Variants in USP6 observed in about 807,000 individuals in gnomAD.
The protein encoded by USP6 is ubiquitin specific peptidase 6, also known as ubiquitin carboxyl-terminal hydrolase 6.
In USP6, 128 loss-of-function variants were observed where a neutral mutation model predicts 175.7. The ratio of observed to expected loss-of-function variants is 0.73; its 90% confidence interval spans 0.63 to 0.84. USP6 has a LOEUF of 0.84. Ranked by LOEUF, USP6 falls within the 40% of genes least tolerant of loss-of-function variation. The pLI is 0.00. For synonymous variants in USP6, 562 were observed against 630.6 expected (o/e 0.89, Z 1.63); for missense variants, 1,498 against 1,760.3 (o/e 0.85, Z 2.67).
chr17:5,150,302 AT>A (rs1340130241), intron 30 of USP6, among the ~76,000 whole-genome samples: 36 of 140,972 alleles, frequency 2.6e-4, no homozygotes, highest in African/African-American at 7.9e-4. Flanking sequence ...AAAAAAATAA[AT>A]AAATAAATAA....
intron 22 of USP6, 61 bp from the exon 23 acceptor site, chr17:5,141,364 C>G (rs1336250207): frequency 1.4e-6 from 2 of 1,440,336 alleles, no homozygotes; most frequent in African/African-American, 1.5e-5. Context: ...AAAACAGAAG[C>G]AATCAAGTGG....
intron 22 of USP6, among the ~76,000 whole-genome samples, chr17:5,140,586 A>G (rs2073417090): frequency 6.6e-6 from 1 of 152,220 alleles, no homozygotes; most frequent in Admixed American, 6.5e-5. Flanking sequence ...AAAAAAATTA[A>G]GAAATGTAAT....
At chr17:5,122,465 C>T (rs184896270) in intron 4 of USP6, among the ~76,000 whole-genome samples, 27 of 152,316 alleles carry the variant, frequency 1.8e-4, no homozygotes, top group African/African-American at 6.3e-4. Context: ...TTTTGCTCCC[C>T]GAAAAGGTTT....
chr17:5,123,919 G>GCA (rs150315519), intron 4 of USP6, among the ~76,000 whole-genome samples: 5,574 of 150,216 alleles, frequency 0.037, 288 homozygotes, highest in African/African-American at 0.11. Flanking sequence ...ACACACACAC[G>GCA]CACACACACA....
chr17:5,125,482 T>G (rs549131749), intron 5 of USP6, among the ~76,000 whole-genome samples: 8 of 152,232 alleles, frequency 5.3e-5, no homozygotes, highest in African/African-American at 1.9e-4. Flanking sequence ...GTTAAGCAGC[T>G]TAAAGTTTAC....
Position 5,121,521 on chromosome 17 carries a change from C to T in USP6, c.-1528C>T. On this transcript the variant is annotated 5_prime_UTR_variant, in exon 4 of 38. Transcript: ENST00000574788. ...CCTCTGTCCCCTCCCCACCCTGTACCTATCACCCCAGGGTGAGCCCAGCCT... is the reference window on the plus strand; with the variant it reads ...CCTCTGTCCCCTCCCCACCCTGTACTTATCACCCCAGGGTGAGCCCAGCCT... The T allele has an allele frequency of 4.9e-6, 1 of 206,020 alleles. No homozygotes were observed. Among genetic ancestry groups the T allele is most frequent in the East Asian group, 1.4e-4 (1 of 7,362 alleles). 12.8% of individuals were successfully genotyped at this position (206,020 alleles called of 1,614,324 possible).
At chr17:5,151,659 A>C (rs1439399468) in intron 30 of USP6, among the ~76,000 whole-genome samples, 1 of 152,230 alleles carries the variant, frequency 6.6e-6, no homozygotes, top group East Asian at 1.9e-4. Flanking sequence ...CAAATAGACC[A>C]CTGGGATAGA....
chr17:5,153,662 C>G (rs1734407879), intron 30 of USP6, among the ~76,000 whole-genome samples: 1 of 143,528 alleles, frequency 7.0e-6, no homozygotes, highest in Non-Finnish European at 1.5e-5. Context: ...CTTTCTTTTT[C>G]TTTTTTTTTT....
chr17:5,152,521 A>C (rs544376927), intron 30 of USP6, among the ~76,000 whole-genome samples: 8 of 152,268 alleles, frequency 5.3e-5, no homozygotes, highest in Non-Finnish European at 2.9e-5. Flanking sequence ...TATTCATAGC[A>C]GCATTATCTA....
Position 5,135,221 on chromosome 17 carries a change from C to T in USP6, c.495-13C>T, listed in dbSNP as rs376258824. ...CACAAACCAAACCATAGCCCCCTTTCTGTGTTTCCTAGGCAGAGGGAACTA... is the reference window on the plus strand; with the variant it reads ...CACAAACCAAACCATAGCCCCCTTTTTGTGTTTCCTAGGCAGAGGGAACTA... On this transcript the variant is annotated splice_polypyrimidine_tract_variant and intron_variant, in intron 15 of 37. Transcript: ENST00000574788. 1.9e-6 allele frequency: 3 copies of T among 1,612,248 alleles called. No individual in the cohort carries two copies. Among genetic ancestry groups the T allele is most frequent in the Non-Finnish European group, 2.5e-6 (3 of 1,178,752 alleles).
chr17:5,168,085 A>G lies in USP6; in HGVS notation c.3190A>G (p.Thr1064Ala). Reference protein sequence around the residue: ...CSKCKTHCLATKKLDLWRLPP... With the variant: ...CSKCKTHCLAAKKLDLWRLPP... ...CAAGTGTAAGACCCACTGCTTAGCA[A>G]CAAAGAAGCTGGATCTCTGGAGGCT... The change falls in exon 34 of 38, where the codon ACA becomes GCA. Residue 1064 changes from threonine (T) to alanine (A), a missense_variant. By Grantham distance (58) the Thr-to-Ala change is moderately conservative. Transcript: ENST00000574788. The G allele has an allele frequency of 6.2e-7, 1 of 1,611,154 alleles. No homozygotes were observed. Among genetic ancestry groups the G allele is most frequent in the Non-Finnish European group, 8.5e-7 (1 of 1,179,150 alleles).
intron 4 of USP6, among the ~76,000 whole-genome samples, chr17:5,122,187 T>C (rs1169981383): frequency 2.6e-5 from 4 of 151,168 alleles, no homozygotes; most frequent in Non-Finnish European, 4.4e-5. Flanking sequence ...AGAAGAGAGG[T>C]TATAGCTCAA....
chr17:5,116,860 T>C (rs956627067), intron 1 of USP6, 120 bp downstream of exon 1: 1 of 152,242 alleles, frequency 6.6e-6, no homozygotes, highest in Non-Finnish European at 1.5e-5. Context: ...CTTATCACGG[T>C]ACCCAACACA....
intron 22 of USP6, among the ~76,000 whole-genome samples, chr17:5,140,235 T>C (rs1344136679): frequency 6.6e-6 from 1 of 152,236 alleles, no homozygotes; most frequent in South Asian, 2.1e-4. Context: ...TCCATCCAGC[T>C]GCCCCTAATA....
At chr17:5,144,172 G>A (rs1426134405) in intron 25 of USP6, among the ~76,000 whole-genome samples, 4 of 151,916 alleles carry the variant, frequency 2.6e-5, no homozygotes, top group Non-Finnish European at 4.4e-5. Flanking sequence ...GTTAATAAAA[G>A]TTAGGATGCA....
At chr17:5,171,730 G>A (rs752786347) in intron 37 of USP6, 51 bp downstream of exon 37, 35 of 1,566,604 alleles carry the variant, frequency 2.2e-5, no homozygotes, top group Non-Finnish European at 2.9e-5. Flanking sequence ...CAGAACTGGG[G>A]AACATTTGTT....
chr17:5,163,965 T>C (rs2074053692), intron 33 of USP6, among the ~76,000 whole-genome samples: 1 of 152,264 alleles, frequency 6.6e-6, no homozygotes, highest in South Asian at 2.1e-4. Context: ...GAAATAATTT[T>C]AATTCCATAC....
chr17:5,123,905 G>GCACACACACACACGCACACA (rs2072800708), intron 4 of USP6, among the ~76,000 whole-genome samples: 1 of 141,504 alleles, frequency 7.1e-6, no homozygotes, highest in African/African-American at 2.7e-5. Flanking sequence ...ACGCACGTGC[G>GCACACACACACACGCACACA]CACACACACA....
Position 5,132,197 on chromosome 17 carries a change from C to G in USP6, c.156-199C>G. On this transcript the variant is annotated intron_variant, in intron 11 of 37. Transcript: ENST00000574788. This position sits in a 1 kb window ranked among gnomAD's most constrained non-coding sequence, Gnocchi z 4.7. ...TAACCCCAGCCAGGCTGTCCCTGCA[C>G]TCCTTCTTCTCCCAGGTCCTGCCCC... The G allele has an allele frequency of 6.5e-7, 1 of 1,541,520 alleles. No homozygotes were observed. The highest frequency in any genetic ancestry group is 8.8e-7 in the Non-Finnish European group (1 of 1,141,548).
Sources: gnomAD v4.1 joint callset for allele counts (sites outside exome capture counted in the v4.1 genomes callset) on GRCh38, gnomAD v4.1.1 for gene constraint, Gnocchi (gnomAD v3.1) non-coding constraint, MANE v1.5 for transcripts, NCBI Gene and HGNC (gene_info 2026-07-23, HGNC 2026-07-21) for gene names.